Variants in PTDSS1 observed in about 807,000 individuals in gnomAD.
PTDSS1 encodes the protein phosphatidylserine synthase 1, also known as PSS-1.
A neutral mutation model predicts 70.5 loss-of-function variants in PTDSS1; 45 were observed. The observed-to-expected ratio is 0.64, with a 90% CI of 0.50 to 0.82. The LOEUF (loss-of-function observed/expected upper bound fraction) is 0.82, where lower values mean the gene tolerates loss of function less well. Ranked by LOEUF, PTDSS1 falls within the 40% of genes least tolerant of loss-of-function variation. The probability of loss-of-function intolerance (pLI) is 0.00; values close to 1 mark genes in which losing one functional copy is unlikely to be tolerated. For missense variants in PTDSS1, 417 were observed against 586.1 expected, an observed-to-expected ratio of 0.71 and a Z score of 2.98; for synonymous variants, 188 against 203.8, an observed-to-expected ratio of 0.92 and a Z score of 0.66.
chr8:96,294,934 A>G (rs1283393758), intron 4 of PTDSS1, among the ~76,000 whole-genome samples, 164 bp from the exon 5 acceptor site: 2 of 152,126 alleles, frequency 1.3e-5, no homozygotes, highest in Non-Finnish European at 2.9e-5. Flanking sequence ...ATACTTGTCT[A>G]TTTTCCCTCA....
At chr8:96,287,431 G>T in intron 4 of PTDSS1, 2 of 377,732 alleles carry the variant, frequency 5.3e-6, no homozygotes, top group Non-Finnish European at 9.5e-6. Context: ...GGTAGTTGTG[G>T]GACTTTGGGC....
intron 1 of PTDSS1, among the ~76,000 whole-genome samples, chr8:96,270,147 A>G (rs946144250): frequency 2.0e-5 from 3 of 152,124 alleles, no homozygotes; most frequent in African/African-American, 7.2e-5. Context: ...TGTAGGGGAA[A>G]TAGCTTGTAC....
chr8:96,278,918 C>T (rs931011638), intron 2 of PTDSS1, among the ~76,000 whole-genome samples: 1 of 151,108 alleles, frequency 6.6e-6, no homozygotes, highest in Non-Finnish European at 1.5e-5. Context: ...GTTCACAGAA[C>T]AAGACCTCTT....
At position 96,262,122 on chromosome 8, in the gene PTDSS1, C is replaced by T; in HGVS notation, c.82C>T (p.Gln28Ter). 1 of 1,613,960 alleles carries T rather than the reference C, an allele frequency of 6.2e-7. No individual in the cohort carries two copies. The highest frequency in any genetic ancestry group is 1.3e-5 in the African/African-American group (1 of 75,038). Reference protein sequence around the residue: ...KMHFRMINEQQVEDITIDFFY... With the variant: ...KMHFRMINEQ ...GCATTTCCGGATGATCAACGAGCAG[C>T]AAGTGGAGGACATCACCATTGACTT... Residue 28 changes from glutamine to a stop codon, truncating the protein, a stop_gained, in exon 1 of 13, where the codon CAA becomes TAA. Coordinates refer to ENST00000517309, the MANE Select transcript of PTDSS1 (RefSeq NM_014754.3). LOFTEE classifies it high-confidence loss of function. The surrounding 1 kb of genome is among the most constrained non-coding windows in gnomAD (Gnocchi z 4.4).
intron 2 of PTDSS1, among the ~76,000 whole-genome samples, chr8:96,281,779 A>G (rs1355714400): frequency 6.6e-6 from 1 of 152,182 alleles, no homozygotes; most frequent in East Asian, 1.9e-4. Context: ...CTCATGACTC[A>G]GCCTGGTGAC....
intron 7 of PTDSS1, 125 bp downstream of exon 7, chr8:96,304,306 C>G (rs1811093890): frequency 8.8e-7 from 1 of 1,139,928 alleles, no homozygotes. Flanking sequence ...ATATAATATT[C>G]TGCAGCTGGC....
At chr8:96,325,468 G>C (rs185845687) in intron 10 of PTDSS1, among the ~76,000 whole-genome samples, 1 of 152,184 alleles carries the variant, frequency 6.6e-6, no homozygotes, top group Non-Finnish European at 1.5e-5. Flanking sequence ...GCAGTGAACC[G>C]CTGGCTTTCC....
intron 6 of PTDSS1, among the ~76,000 whole-genome samples, chr8:96,303,050 T>G (rs977220811): frequency 6.6e-6 from 1 of 152,242 alleles, no homozygotes; most frequent in African/African-American, 2.4e-5. Context: ...TAATATTAAA[T>G]GTATAAATGA....
In PTDSS1 at chr8:96,310,169, CT is replaced by C. The variant is rs113232621; in HGVS notation, c.1073+562del. Among the ~76,000 whole-genome samples, 539 of 139,652 alleles carry C rather than the reference CT, an allele frequency of 3.9e-3. 4 individuals carry two copies. Among genetic ancestry groups the C allele is most frequent in the Middle Eastern group, 0.015 (4 of 266 alleles). 91.6% of individuals were successfully genotyped at this position (139,652 alleles called of 152,430 possible). A position where few individuals can be genotyped will look rare whatever the true frequency, so the allele number is the denominator to read the frequency against. On this transcript the variant is annotated intron_variant, in intron 9 of 12. Transcript: ENST00000517309. ...CAGACAAAAAGAAATGGATCTCTCT[CT>C]TTTTTTTTTTTTTTGAGATGGAGTC...
At chr8:96,280,963 A>G (rs1810726518) in intron 2 of PTDSS1, among the ~76,000 whole-genome samples, 1 of 152,170 alleles carries the variant, frequency 6.6e-6, no homozygotes, top group South Asian at 2.1e-4. Flanking sequence ...GAAGGCATTG[A>G]GATGACATGA....
chr8:96,306,671 A>C, intron 8 of PTDSS1, 115 bp downstream of exon 8: 1 of 794,058 alleles, frequency 1.3e-6, no homozygotes, highest in Non-Finnish European at 2.1e-6. Context: ...ATACCATCGT[A>C]AAGAATTGTA....
At chr8:96,276,611 C>T (rs28489132) in intron 2 of PTDSS1, among the ~76,000 whole-genome samples, 11,283 of 152,300 alleles carry the variant, frequency 0.074, 466 homozygotes, top group African/African-American at 0.083. Context: ...AGGGCCACAG[C>T]TGTGCATTTC....
chr8:96,320,123 C>T, intron 9 of PTDSS1, 123 bp from the exon 10 acceptor site: 1 of 782,350 alleles, frequency 1.3e-6, no homozygotes, highest in Non-Finnish European at 2.1e-6. Flanking sequence ...TACCTGCTAC[C>T]AGTGTTTGAG....
intron 8 of PTDSS1, chr8:96,309,318 C>T: frequency 2.9e-6 from 1 of 341,204 alleles, no homozygotes; most frequent in Admixed American, 4.5e-5. Flanking sequence ...GCACTCAGAC[C>T]AGACAAGAAT....
chr8:96,324,955 G>A (rs1207888449), intron 10 of PTDSS1, among the ~76,000 whole-genome samples: 1 of 152,146 alleles, frequency 6.6e-6, no homozygotes, highest in African/African-American at 2.4e-5. Flanking sequence ...GCTTCACTTG[G>A]TACAGACCTC....
At chr8:96,292,159 G>T (rs1470998614) in intron 4 of PTDSS1, among the ~76,000 whole-genome samples, 1 of 151,588 alleles carries the variant, frequency 6.6e-6, no homozygotes, top group Non-Finnish European at 1.5e-5. Flanking sequence ...AATTAGCTGG[G>T]CGTGGTGGCA....
At chr8:96,269,796 C>G (rs1373953575) in intron 1 of PTDSS1, among the ~76,000 whole-genome samples, 2 of 152,150 alleles carry the variant, frequency 1.3e-5, no homozygotes, top group South Asian at 2.1e-4. Flanking sequence ...TTGATCCACT[C>G]AAGAATAAGG....
chr8:96,308,346 G>T (rs182822820), intron 8 of PTDSS1, among the ~76,000 whole-genome samples: 2 of 152,340 alleles, frequency 1.3e-5, no homozygotes, highest in African/African-American at 4.8e-5. Context: ...TTTATAATTA[G>T]AATTCTTCAC....
intron 4 of PTDSS1, among the ~76,000 whole-genome samples, chr8:96,290,219 C>T (rs997503390): frequency 1.1e-4 from 17 of 152,164 alleles, no homozygotes; most frequent in Admixed American, 9.2e-4. Flanking sequence ...TTGATGCTCA[C>T]AGGAGCCTTA....
Sources: gnomAD v4.1 joint callset for allele counts (sites outside exome capture counted in the v4.1 genomes callset) on GRCh38, gnomAD v4.1.1 for gene constraint, Gnocchi (gnomAD v3.1) non-coding constraint, MANE v1.5 for transcripts, NCBI Gene and HGNC (gene_info 2026-07-23, HGNC 2026-07-21) for gene names.